The following ATP6V1E1 variants were observed in gnomAD, a reference collection of about 807,000 sequenced individuals.
ATP6V1E1 encodes the protein ATPase H+ transporting V1 subunit E1.
A neutral mutation model predicts 35.2 loss-of-function variants in ATP6V1E1; 21 were observed. That is an observed-to-expected ratio of 0.60 (90% confidence interval 0.42 to 0.86). The LOEUF (loss-of-function observed/expected upper bound fraction) is 0.86, where lower values mean the gene tolerates loss of function less well. ATP6V1E1 is among the 40% of genes least tolerant of loss of function. ATP6V1E1 has a pLI of 0.00. For synonymous variants in ATP6V1E1, 83 were observed against 87.8 expected (o/e 0.95, Z 0.30); for missense variants, 183 against 272.6 (o/e 0.67, Z 2.32).
At chr22:17,598,108 TGAAA>T in intron 7 of ATP6V1E1, 82 bp downstream of exon 7, 6 of 1,064,378 alleles carry the variant, frequency 5.6e-6, no homozygotes, top group Non-Finnish European at 8.6e-6. Context: ...GTTTAAATGG[TGAAA>T]ATACCATTTA....
At chr22:17,598,832 A>C (rs568978941) in intron 6 of ATP6V1E1, among the ~76,000 whole-genome samples, 1 of 152,336 alleles carries the variant, frequency 6.6e-6, no homozygotes, top group African/African-American at 2.4e-5. Context: ...GTATACAGAC[A>C]AACGGATAGA....
intron 7 of ATP6V1E1, 130 bp from the exon 8 acceptor site, chr22:17,594,746 A>G (rs1242524882): frequency 2.9e-6 from 2 of 682,154 alleles, no homozygotes; most frequent in Non-Finnish European, 4.4e-6. Flanking sequence ...ACAGGCTTGA[A>G]AGGAACTGAA....
intron 4 of ATP6V1E1, among the ~76,000 whole-genome samples, chr22:17,601,969 A>C (rs1184506141): frequency 6.6e-6 from 1 of 152,062 alleles, no homozygotes; most frequent in African/African-American, 2.4e-5. Context: ...CAGTGATACA[A>C]TCATGGCTCT....
intron 8 of ATP6V1E1, among the ~76,000 whole-genome samples, chr22:17,593,761 G>A (rs758708623): frequency 2.6e-5 from 4 of 152,182 alleles, no homozygotes; most frequent in Non-Finnish European, 4.4e-5. Flanking sequence ...AACTAGGTTG[G>A]CAGCCACAGC....
At chr22:17,609,110 A>AAAAC (rs776470535) in intron 4 of ATP6V1E1, among the ~76,000 whole-genome samples, 88 of 140,132 alleles carry the variant, frequency 6.3e-4, no homozygotes, top group Admixed American at 3.6e-3. Context: ...AAAACAAAAC[A>AAAAC]AAACAAACAA....
intron 2 of ATP6V1E1, among the ~76,000 whole-genome samples, chr22:17,618,011 T>C (rs889579982): frequency 1.4e-4 from 21 of 152,062 alleles, no homozygotes; most frequent in Non-Finnish European, 2.6e-4. Context: ...GGTTTCACCA[T>C]GTTGGCCAGG....
intron 1 of ATP6V1E1, among the ~76,000 whole-genome samples, chr22:17,623,716 C>CTG: frequency 6.6e-6 from 1 of 152,016 alleles, no homozygotes; most frequent in South Asian, 2.1e-4. Flanking sequence ...TTTATAAATG[C>CTG]TACAAGTTTG....
chr22:17,601,498 G>C (rs537176296), intron 4 of ATP6V1E1, among the ~76,000 whole-genome samples: 3 of 152,104 alleles, frequency 2.0e-5, no homozygotes, highest in African/African-American at 7.2e-5. Context: ...GCTATTAAAC[G>C]GTTATACAAG....
At chr22:17,599,337 G>A (rs995488355) in intron 6 of ATP6V1E1, among the ~76,000 whole-genome samples, 2 of 151,052 alleles carry the variant, frequency 1.3e-5, no homozygotes, top group African/African-American at 4.9e-5. Flanking sequence ...AACACTTTGG[G>A]AGGCTGAGAC....
chr22:17,620,311 C>T (rs903356140), intron 1 of ATP6V1E1, among the ~76,000 whole-genome samples: 1 of 151,910 alleles, frequency 6.6e-6, no homozygotes, highest in African/African-American at 2.4e-5. Context: ...CCATGCCTGG[C>T]TAATTTTTTG....
intron 1 of ATP6V1E1, among the ~76,000 whole-genome samples, chr22:17,622,269 GAAC>G (rs760424268): frequency 0.12 from 18,823 of 152,138 alleles, 1,590 homozygotes; most frequent in Non-Finnish European, 0.18. Flanking sequence ...ATGCCAGTGT[GAAC>G]CCAGAACATG....
At chr22:17,612,054 T>TA (rs2057818205) in intron 4 of ATP6V1E1, among the ~76,000 whole-genome samples, 1 of 152,232 alleles carries the variant, frequency 6.6e-6, no homozygotes, top group South Asian at 2.1e-4. Flanking sequence ...ATTGTGTTTG[T>TA]AGCCAGTCAC....
intron 1 of ATP6V1E1, among the ~76,000 whole-genome samples, chr22:17,620,079 C>CGATT (rs1340651210): frequency 6.6e-6 from 1 of 152,114 alleles, no homozygotes; most frequent in Non-Finnish European, 1.5e-5. Context: ...ACCATCTCCT[C>CGATT]GCCCCTTGAT....
Position 17,603,664 on chromosome 22 carries a change from G to C in ATP6V1E1, c.277-2483C>G, listed in dbSNP as rs185625818. Among the ~76,000 whole-genome samples, 55 of 152,114 alleles carry C rather than the reference G, an allele frequency of 3.6e-4. 1 individual carries two copies. The highest frequency in any genetic ancestry group is 2.1e-4 in the Non-Finnish European group (14 of 68,008). On this transcript the variant is annotated intron_variant, in intron 4 of 8. Coordinates refer to ENST00000253413, the MANE Select transcript of ATP6V1E1 (RefSeq NM_001696.4). ...TCCATCTCTACTAAAAATGAATTTC[G>C]TATTTAGGCTTGGGTCCCATCTCCA...
chr22:17,617,961 C>G (rs2057855213), intron 2 of ATP6V1E1, among the ~76,000 whole-genome samples: 2 of 152,156 alleles, frequency 1.3e-5, no homozygotes, highest in Non-Finnish European at 2.9e-5. Context: ...AGGCACACAC[C>G]ACCATGCCCA....
At chr22:17,615,197 A>G (rs990455587) in intron 2 of ATP6V1E1, among the ~76,000 whole-genome samples, 7 of 152,016 alleles carry the variant, frequency 4.6e-5, no homozygotes, top group African/African-American at 1.7e-4. Flanking sequence ...GATACTTGGG[A>G]GGCTGAGGCA....
chr22:17,606,555 A>G (rs2057787965), intron 4 of ATP6V1E1, among the ~76,000 whole-genome samples: 1 of 152,216 alleles, frequency 6.6e-6, no homozygotes, highest in Admixed American at 6.5e-5. Context: ...TTCTCATTAT[A>G]AGTCAGAGAA....
chr22:17,600,963 A>G, intron 5 of ATP6V1E1, 129 bp downstream of exon 5: 1 of 756,736 alleles, frequency 1.3e-6, no homozygotes, highest in Non-Finnish European at 2.1e-6. Context: ...GCTAAAAGAA[A>G]AAAAAAGGGT....
chr22:17,599,594 A>AAAAAAG, intron 6 of ATP6V1E1, among the ~76,000 whole-genome samples: 1 of 148,394 alleles, frequency 6.7e-6, no homozygotes, highest in Non-Finnish European at 1.5e-5. Context: ...AAAAAAAAAA[A>AAAAAAG]GGAAACTAGA....
Sources: gnomAD v4.1 joint callset for allele counts (sites outside exome capture counted in the v4.1 genomes callset) on GRCh38, gnomAD v4.1.1 for gene constraint, MANE v1.5 for transcripts, NCBI Gene and HGNC (gene_info 2026-07-23, HGNC 2026-07-21) for gene names.